Variants in CXCL12 observed in about 807,000 individuals in gnomAD.
The protein encoded by CXCL12 is stromal cell-derived factor 1.
CXCL12 carries 4 observed loss-of-function variants against 10.7 expected under a neutral mutation model. The ratio of observed to expected loss-of-function variants is 0.37; its 90% CI spans 0.18 to 0.86. The LOEUF (loss-of-function observed/expected upper bound fraction) is 0.86, where lower values mean the gene tolerates loss of function less well. Ranked by LOEUF, CXCL12 falls within the 40% of genes least tolerant of loss-of-function variation. CXCL12 has a pLI of 0.43. For missense variants in CXCL12, 122 were observed against 110.4 expected, an observed-to-expected ratio of 1.10 and a Z score of -0.47; for synonymous variants, 54 against 45.4, an observed-to-expected ratio of 1.19 and a Z score of -0.77.
chr10:44,372,589 TGG>T (rs1174572452), downstream of CXCL12: 2 of 1,194,858 alleles, frequency 1.7e-6, no homozygotes, highest in African/African-American at 3.1e-5. Flanking sequence ...ATTTCCTGCT[TGG>T]TGCACAGTTT....
At chr10:44,380,951 G>C in intron 1 of CXCL12, 71 bp from the exon 2 acceptor site, 1 of 1,157,720 alleles carries the variant, frequency 8.6e-7, no homozygotes, top group Non-Finnish European at 1.3e-6. Flanking sequence ...CTGGGCTGCA[G>C]CAGTTGGTGC....
downstream of CXCL12, chr10:44,374,817 T>A (rs1254296414): frequency 2.6e-6 from 1 of 391,578 alleles, no homozygotes; most frequent in Non-Finnish European, 5.1e-6. Flanking sequence ...CGGGTGTTTA[T>A]GTGAGGTGGA....
intron 2 of CXCL12, 23 bp from the exon 3 acceptor site, chr10:44,378,746 G>T: frequency 6.2e-7 from 1 of 1,612,894 alleles, no homozygotes; most frequent in Non-Finnish European, 8.5e-7. Context: ...AATGGCAACA[G>T]TGTGCGGCTG....
rs60154270 is a variant in CXCL12, at chr10:44,383,609, CGGG to C, written c.61+1333_61+1335del. Among the ~76,000 whole-genome samples the C allele has an allele frequency of 2.5e-3, 46 of 18,226 alleles. 2 individuals are homozygous for C. Among genetic ancestry groups the C allele is most frequent in the African/African-American group, 0.01 (30 of 2,974 alleles). The allele number at this position is 18,226 out of a possible 152,430, so 12.0% of individuals were successfully genotyped here. ...AACTAGAAACATGCCCCATGACTTG[CGGG>C]GGGGGGGGGGGGTCAGTGTGCAGAC... is the stretch of plus-strand genomic sequence containing the variant. On this transcript the variant is annotated intron_variant, in intron 1 of 2. Transcript: ENST00000343575.
downstream of CXCL12, chr10:44,377,035 C>T (rs1036103878): frequency 1.0e-5 from 10 of 960,742 alleles, no homozygotes; most frequent in African/African-American, 1.6e-4. Flanking sequence ...TGCAGGCAGG[C>T]TTAACTATAT....
chr10:44,376,953 T>A, downstream of CXCL12: 1 of 227,408 alleles, frequency 4.4e-6, no homozygotes, highest in Non-Finnish European at 7.2e-6. Flanking sequence ...GAGCTGCAGA[T>A]CTAATCTGCT....
At chr10:44,374,605 C>T (rs760553435), downstream of CXCL12, 3 of 455,914 alleles carry the variant, frequency 6.6e-6, no homozygotes, top group Admixed American at 4.7e-5. Context: ...TCCTAGGACA[C>T]CTCCCCAACG....
rs1839484787 is a variant in CXCL12 at position 44,377,311 on chromosome 10, C to T, written c.*1322G>A. 2.9e-6 allele frequency: 3 copies of T among 1,024,220 alleles called. No individual in the cohort carries two copies. The highest frequency in any genetic ancestry group is 2.3e-6 in the Non-Finnish European group (2 of 853,332). 63.4% of individuals were successfully genotyped at this position (1,024,220 alleles called of 1,614,324 possible). ...TGAGATAATAGAGAAGTATAAACTACTGACATTCATATGGCTCCACTTCAA... is the reference window on the plus strand; with the variant it reads ...TGAGATAATAGAGAAGTATAAACTATTGACATTCATATGGCTCCACTTCAA... On this transcript the variant is annotated 3_prime_UTR_variant, in exon 3 of 3. Transcript: ENST00000343575.
chr10:44,379,532 T>C (rs17885644), intron 2 of CXCL12, among the ~76,000 whole-genome samples: 28 of 152,072 alleles, frequency 1.8e-4, no homozygotes, highest in African/African-American at 6.5e-4. Context: ...AGAACAGTGG[T>C]TCAGGGGCAC....
In CXCL12 at chr10:44,385,031, G is replaced by A; in HGVS notation, c.-26C>T. ...GGCGCGGGCGGGCGGGCGGGCGGGC[G>A]GACGAGCGCGGGTCGGGGGCCGGAC... On this transcript the variant is annotated 5_prime_UTR_variant, in exon 1 of 3. Transcript: ENST00000343575. 3 of 1,437,474 alleles carry A rather than the reference G, an allele frequency of 2.1e-6. No homozygotes were observed. The highest frequency in any genetic ancestry group is 2.6e-5 in the South Asian group (2 of 77,134). 89.0% of individuals were successfully genotyped at this position (1,437,474 alleles called of 1,614,324 possible).
At chr10:44,384,824 C>T in intron 1 of CXCL12, 121 bp downstream of exon 1, 1 of 966,138 alleles carries the variant, frequency 1.0e-6, no homozygotes, top group Non-Finnish European at 1.5e-6. Context: ...AGCGAGCTGC[C>T]TCCACCCCCA....
intron 2 of CXCL12, among the ~76,000 whole-genome samples, chr10:44,379,415 G>C (rs1189867760): frequency 6.6e-6 from 1 of 152,122 alleles, no homozygotes; most frequent in East Asian, 1.9e-4. Flanking sequence ...CAAACTCCTG[G>C]GGAAGGCCTG....
chr10:44,373,256 G>C, downstream of CXCL12: 1 of 1,574,504 alleles, frequency 6.4e-7, no homozygotes, highest in South Asian at 1.2e-5. Context: ...GGGAGGCTGT[G>C]GCAGGCCCTT....
At chr10:44,375,128 AAAGTTCC>A (rs1472327926), downstream of CXCL12, among the ~76,000 whole-genome samples, 1 of 152,192 alleles carries the variant, frequency 6.6e-6, no homozygotes, top group Non-Finnish European at 1.5e-5. Context: ...GGACCCTTGC[AAAGTTCC>A]ATAGCACATC....
chr10:44,375,100 G>A (rs891293740), downstream of CXCL12, among the ~76,000 whole-genome samples: 11 of 152,192 alleles, frequency 7.2e-5, no homozygotes, highest in African/African-American at 2.7e-4. Flanking sequence ...GGGACAGGCT[G>A]GGATCCCCAG....
chr10:44,371,299 A>AT (rs778757386), downstream of CXCL12: 54 of 441,810 alleles, frequency 1.2e-4, no homozygotes, highest in Non-Finnish European at 2.1e-4. Flanking sequence ...ATTTAGGGTC[A>AT]TGTTTGTTTC....
At chr10:44,381,315 G>A (rs563397234) in intron 1 of CXCL12, among the ~76,000 whole-genome samples, 2 of 152,192 alleles carry the variant, frequency 1.3e-5, no homozygotes, top group African/African-American at 2.4e-5. Context: ...GAGGCTCCAG[G>A]CTCCCTGGCC....
chr10:44,375,924 C>G (rs78342136), downstream of CXCL12: 2 of 1,611,162 alleles, frequency 1.2e-6, no homozygotes. Flanking sequence ...TGGTCCATCT[C>G]GAGGTGGCAG....
In CXCL12 at chr10:44,385,085, G is replaced by A. The variant is rs1025819369; in HGVS notation, c.-80C>T. The A allele has an allele frequency of 3.6e-6, 4 of 1,118,670 alleles. No homozygotes were observed. Among genetic ancestry groups the A allele is most frequent in the Non-Finnish European group, 4.8e-6 (4 of 828,154 alleles). 69.3% of individuals were successfully genotyped at this position (1,118,670 alleles called of 1,614,324 possible). A position where few individuals can be genotyped will look rare whatever the true frequency, so the allele number is the denominator to read the frequency against. On this transcript the variant is annotated 5_prime_UTR_variant, in exon 1 of 3. Coordinates refer to ENST00000343575, the MANE Select transcript of CXCL12 (RefSeq NM_199168.4). Reference sequence around the variant, plus strand: ...GAGCGGGCAATGCGGCTGACGGAGAGTGAAAGTGCGGCGGTGGGAGGCGCG... The same window carrying A: ...GAGCGGGCAATGCGGCTGACGGAGAATGAAAGTGCGGCGGTGGGAGGCGCG...
Sources: allele counts gnomAD v4.1 joint callset (sites outside exome capture counted in the v4.1 genomes callset), GRCh38; gene constraint gnomAD v4.1.1; transcripts MANE v1.5; gene names NCBI Gene and HGNC (gene_info 2026-07-23, HGNC 2026-07-21).